SMYD2: variants seen among roughly 807,000 people sequenced by gnomAD.
SMYD2 encodes N-lysine methyltransferase SMYD2.
Under a neutral mutation model 59.1 loss-of-function variants are expected in SMYD2, and 53 were observed. The observed-to-expected ratio is 0.90, with a 90% CI of 0.72 to 1.13. The LOEUF is 1.13. SMYD2 is among the 50% of genes most tolerant of loss of function. SMYD2 has a pLI of 0.00. For missense variants in SMYD2, 494 were observed against 544.7 expected (o/e 0.91, Z 0.93); for synonymous variants, 208 against 198.8 (o/e 1.05, Z -0.39).
At chr1:214,334,490 C>T (rs1657406027) in intron 11 of SMYD2, among the ~76,000 whole-genome samples, 182 bp downstream of exon 11, 2 of 152,078 alleles carry the variant, frequency 1.3e-5, no homozygotes. Flanking sequence ...GAGAGTGCAC[C>T]TCTGCTGTGT....
intron 6 of SMYD2, among the ~76,000 whole-genome samples, chr1:214,325,348 G>A (rs954617372): frequency 1.2e-4 from 18 of 152,192 alleles, no homozygotes; most frequent in African/African-American, 4.1e-4. Flanking sequence ...CTCATGGAGT[G>A]AGTATTTCCA....
chr1:214,303,117 A>G (rs1656852933), intron 1 of SMYD2, among the ~76,000 whole-genome samples: 1 of 152,172 alleles, frequency 6.6e-6, no homozygotes, highest in Non-Finnish European at 1.5e-5. Context: ...TAAAAGCTTC[A>G]GCCAAACTCT....
At chr1:214,324,748 C>T in intron 6 of SMYD2, 40 bp downstream of exon 6, 1 of 1,553,868 alleles carries the variant, frequency 6.4e-7, no homozygotes, top group South Asian at 1.2e-5. Flanking sequence ...TTTTTACTTA[C>T]TTAACACTAA....
In SMYD2 at chr1:214,329,962, G is replaced by A. The variant is rs539062322; in HGVS notation, c.706-206G>A. Among the ~76,000 whole-genome samples the A allele has an allele frequency of 4.6e-5, 7 of 152,320 alleles. No homozygotes were observed. The East Asian group carries it at 1.4e-3, about 29-fold the overall frequency. ...TGGCTTCAGCTCCCAGTTCAGCTGT[G>A]GATTAGTGAACACCTTCCAGAGAAA... On this transcript the variant is annotated intron_variant, in intron 7 of 11. Coordinates refer to ENST00000366957, the MANE Select transcript of SMYD2 (RefSeq NM_020197.3).
At chr1:214,289,901 C>T (rs1475651523) in intron 1 of SMYD2, among the ~76,000 whole-genome samples, 1 of 152,226 alleles carries the variant, frequency 6.6e-6, no homozygotes, top group Non-Finnish European at 1.5e-5. Flanking sequence ...CCACCCACAT[C>T]CCCAACCTTC....
intron 2 of SMYD2, among the ~76,000 whole-genome samples, chr1:214,306,927 T>C (rs931948536): frequency 6.6e-6 from 1 of 152,134 alleles, no homozygotes. Context: ...TCCCAGTACT[T>C]TGGGGGGCCA....
intron 6 of SMYD2, 112 bp downstream of exon 6, chr1:214,324,820 A>C (rs538814323): frequency 2.2e-6 from 2 of 929,244 alleles, no homozygotes; most frequent in Admixed American, 4.8e-5. Context: ...ATGAAACTCA[A>C]AGTGAATTAA....
At chr1:214,284,488 G>C (rs968716990) in intron 1 of SMYD2, among the ~76,000 whole-genome samples, 1 of 151,588 alleles carries the variant, frequency 6.6e-6, no homozygotes, top group Non-Finnish European at 1.5e-5. Flanking sequence ...TCAAACTCCC[G>C]GCCTCCCAAA....
At chr1:214,287,737 C>T (rs971283529) in intron 1 of SMYD2, among the ~76,000 whole-genome samples, 8 of 152,104 alleles carry the variant, frequency 5.3e-5, no homozygotes, top group African/African-American at 1.9e-4. Flanking sequence ...TATACCTACA[C>T]AGGTAAACCT....
At chr1:214,334,073 T>G in intron 10 of SMYD2, 127 bp from the exon 11 acceptor site, 1 of 724,558 alleles carries the variant, frequency 1.4e-6, no homozygotes, top group Non-Finnish European at 2.4e-6. Flanking sequence ...CCTGGTGGGA[T>G]TTGGAGAGGC....
At chr1:214,324,366 TCA>T (rs1460125835) in intron 5 of SMYD2, among the ~76,000 whole-genome samples, 8 of 152,180 alleles carry the variant, frequency 5.3e-5, no homozygotes, top group Non-Finnish European at 1.0e-4. Context: ...ACGTCAGTCC[TCA>T]GAGTCTTGGG....
chr1:214,302,448 T>C (rs1656841150), intron 1 of SMYD2, among the ~76,000 whole-genome samples: 1 of 152,106 alleles, frequency 6.6e-6, no homozygotes, highest in Non-Finnish European at 1.5e-5. Flanking sequence ...CCTTCTGCAT[T>C]GCAAATGTTA....
chr1:214,303,043 G>A (rs1656851769), intron 1 of SMYD2, among the ~76,000 whole-genome samples: 1 of 152,080 alleles, frequency 6.6e-6, no homozygotes, highest in African/African-American at 2.4e-5. Context: ...CAAAGCCCTT[G>A]AAATTTTACA....
chr1:214,332,479 G>A (rs1571936093), intron 10 of SMYD2: 1 of 253,888 alleles, frequency 3.9e-6, no homozygotes, highest in Non-Finnish European at 7.5e-6. Flanking sequence ...CTAGTTTTGA[G>A]AAGCCACTAG....
chr1:214,296,911 CT>C (rs1028054401), intron 1 of SMYD2, among the ~76,000 whole-genome samples: 2 of 152,174 alleles, frequency 1.3e-5, no homozygotes, highest in African/African-American at 2.4e-5. Flanking sequence ...GATACTTGAT[CT>C]TAGGTTAGAA....
intron 1 of SMYD2, among the ~76,000 whole-genome samples, chr1:214,300,288 T>C (rs1409961689): frequency 6.6e-6 from 1 of 152,154 alleles, no homozygotes; most frequent in Non-Finnish European, 1.5e-5. Flanking sequence ...ATGATCCAGC[T>C]TGGACTCTCC....
rs1657448239 is a variant in SMYD2, at chr1:214,336,828, A to C, written c.*44A>C. On this transcript the variant is annotated 3_prime_UTR_variant, in exon 12 of 12. Transcript: ENST00000366957. The stretch of plus-strand genomic sequence containing the variant: ...TTTTCATTTAAACACTTAGTTCAGA[A>C]ACCTTAAAGGATTTGAATATTTCAA... 1 of 1,534,504 alleles carries C rather than the reference A, an allele frequency of 6.5e-7. No individual in the cohort carries two copies. Among genetic ancestry groups the C allele is most frequent in the African/African-American group, 1.4e-5 (1 of 73,182 alleles).
chr1:214,303,073 G>A (rs1656852161), intron 1 of SMYD2, among the ~76,000 whole-genome samples: 1 of 152,078 alleles, frequency 6.6e-6, no homozygotes, highest in African/African-American at 2.4e-5. Context: ...TGTTTCATTA[G>A]GGTTGGGGGA....
chr1:214,329,479 CTTAG>C (rs1329527332), intron 7 of SMYD2, among the ~76,000 whole-genome samples: 9 of 152,216 alleles, frequency 5.9e-5, no homozygotes, highest in South Asian at 2.1e-4. Flanking sequence ...TGCTCCAAGC[CTTAG>C]TTACAGACCC....
Sources: allele counts gnomAD v4.1 joint callset (sites outside exome capture counted in the v4.1 genomes callset), GRCh38; gene constraint gnomAD v4.1.1; transcripts MANE v1.5; gene names NCBI Gene and HGNC (gene_info 2026-07-23, HGNC 2026-07-21).